The following RGS6 variants were observed in gnomAD, a reference collection of about 807,000 sequenced individuals.
The protein encoded by RGS6 is regulator of G-protein signaling 6.
A neutral mutation model predicts 78.5 loss-of-function variants in RGS6; 30 were observed. The observed-to-expected ratio is 0.38, with a 90% CI of 0.29 to 0.52. RGS6 has a LOEUF of 0.52. Ranked by LOEUF, RGS6 falls within the 20% of genes least tolerant of loss-of-function variation. The pLI, the probability that RGS6 is intolerant of heterozygous loss-of-function variation, is 0.85. For missense variants in RGS6, 495 were observed against 609.7 expected (o/e 0.81, Z 1.98); for synonymous variants, 206 against 206.0 (o/e 1.00, Z 0.00).
chr14:72,161,172 A>G (rs1598607073), intron 2 of RGS6, among the ~76,000 whole-genome samples: 1 of 152,308 alleles, frequency 6.6e-6, no homozygotes, highest in African/African-American at 2.4e-5. Flanking sequence ...GTTCTCACTC[A>G]TAAGTTGAAC....
intron 2 of RGS6, among the ~76,000 whole-genome samples, chr14:72,309,915 A>G (rs568764761): frequency 6.6e-6 from 1 of 152,298 alleles, no homozygotes; most frequent in African/African-American, 2.4e-5. Flanking sequence ...GTTTGTCCCA[A>G]TCTTTATTTT....
intron 2 of RGS6, among the ~76,000 whole-genome samples, chr14:72,321,529 A>G (rs1191165749): frequency 6.6e-6 from 1 of 152,082 alleles, no homozygotes; most frequent in African/African-American, 2.4e-5. Flanking sequence ...ATCAAATGCC[A>G]ACAAAAAGGA....
chr14:72,186,377 A>G (rs889105622), intron 2 of RGS6, among the ~76,000 whole-genome samples: 12 of 152,252 alleles, frequency 7.9e-5, no homozygotes, highest in African/African-American at 2.9e-4. Flanking sequence ...AGGAGCCTGC[A>G]AATTGCCCTT....
chr14:72,049,995 T>G (rs1355408176), intron 2 of RGS6, among the ~76,000 whole-genome samples: 1 of 152,158 alleles, frequency 6.6e-6, no homozygotes, highest in African/African-American at 2.4e-5. Flanking sequence ...ATGATTTTGA[T>G]GCAGTAAAGA....
chr14:72,237,087 G>T (rs566435039), intron 2 of RGS6, among the ~76,000 whole-genome samples: 16 of 152,126 alleles, frequency 1.1e-4, no homozygotes, highest in African/African-American at 3.9e-4. Context: ...TACTATTTGG[G>T]ATAAGTACAT....
intron 2 of RGS6, among the ~76,000 whole-genome samples, chr14:71,981,683 C>G (rs2094464605): frequency 1.3e-5 from 2 of 151,778 alleles, no homozygotes; most frequent in Admixed American, 1.3e-4. Context: ...CCACTGCTCT[C>G]TTCAAAGCTG....
At position 72,472,909 on chromosome 14, in the gene RGS6, T is replaced by C. The variant is rs138057825; in HGVS notation, c.574T>C (p.Leu192=). 11 of 1,613,446 alleles carry C rather than the reference T, an allele frequency of 6.8e-6. No individual in the cohort carries two copies. In the African/African-American group the frequency reaches 1.3e-4, roughly 20 times the overall value. The part of the protein sequence containing the change: ...RKKDKTERKI[L]DSQERAFWDV... Reference sequence around the variant, plus strand: ...AAAAGACAAGACAGAAAGGAAAATTTTGGATAGTCAAGAACGAGCCTTTTG... The same window carrying C: ...AAAAGACAAGACAGAAAGGAAAATTCTGGATAGTCAAGAACGAGCCTTTTG... Residue 192 remains leucine (L), a synonymous_variant, in exon 9 of 18, where the codon TTG becomes CTG. Transcript: ENST00000553525.
chr14:72,422,950 C>T (rs1235996272), intron 3 of RGS6, among the ~76,000 whole-genome samples: 3 of 152,252 alleles, frequency 2.0e-5, no homozygotes, highest in Middle Eastern at 3.4e-3. Context: ...CCAACTCTGC[C>T]GACACTTTGA....
intron 3 of RGS6, among the ~76,000 whole-genome samples, chr14:72,407,937 C>T (rs2093069849): frequency 6.6e-6 from 1 of 152,206 alleles, no homozygotes; most frequent in Non-Finnish European, 1.5e-5. Flanking sequence ...ACTGTATAGC[C>T]AACTATGAAA....
intron 2 of RGS6, among the ~76,000 whole-genome samples, chr14:71,967,189 GTATATATA>G (rs10571406): frequency 2.7e-5 from 4 of 145,798 alleles, no homozygotes; most frequent in African/African-American, 7.7e-5. Flanking sequence ...TGTGTAAAGA[GTATATATA>G]TATATATATA....
chr14:72,103,956 G>A (rs747786183), intron 2 of RGS6, among the ~76,000 whole-genome samples: 2 of 152,204 alleles, frequency 1.3e-5, no homozygotes, highest in Non-Finnish European at 2.9e-5. Context: ...AGTTAATGTA[G>A]GTGAAGCTCT....
intron 2 of RGS6, among the ~76,000 whole-genome samples, chr14:72,162,283 C>G (rs531639923): frequency 1.3e-4 from 20 of 152,220 alleles, no homozygotes; most frequent in African/African-American, 4.6e-4. Flanking sequence ...TAGAAAAATA[C>G]CTTTGCTGGG....
At chr14:72,237,509 C>T (rs117743779) in intron 2 of RGS6, among the ~76,000 whole-genome samples, 5 of 152,248 alleles carry the variant, frequency 3.3e-5, no homozygotes, top group South Asian at 4.1e-4. Context: ...AGATGAGCTT[C>T]GTAACTACCT....
At chr14:72,516,173 C>G (rs943680618) in intron 14 of RGS6, among the ~76,000 whole-genome samples, 13 of 152,222 alleles carry the variant, frequency 8.5e-5, no homozygotes, top group Middle Eastern at 3.2e-3. Context: ...GCATCTTTCA[C>G]CTACTGGTCA....
At chr14:72,155,681 A>T (rs918304592) in intron 2 of RGS6, among the ~76,000 whole-genome samples, 7 of 152,242 alleles carry the variant, frequency 4.6e-5, no homozygotes, top group Non-Finnish European at 7.3e-5. Flanking sequence ...AGCCATTTTT[A>T]AAAATATGAC....
At chr14:72,407,910 G>A (rs890761375) in intron 3 of RGS6, among the ~76,000 whole-genome samples, 1 of 152,182 alleles carries the variant, frequency 6.6e-6, no homozygotes. Context: ...ACTATGAGAA[G>A]GAGCCCTATA....
chr14:72,274,495 G>A (rs2060390802), intron 2 of RGS6, among the ~76,000 whole-genome samples: 1 of 152,214 alleles, frequency 6.6e-6, no homozygotes, highest in African/African-American at 2.4e-5. Context: ...CCTCCTTCAG[G>A]CCCAAGGCTG....
At chr14:71,882,896 C>T in the RGS6 span, among the ~76,000 whole-genome samples, 252 of 152,248 alleles carry the variant, frequency 1.7e-3, 3 homozygotes, top group African/African-American at 5.8e-3. Context: ...CCTAAATTGC[C>T]TTTCATTAGG....
At chr14:71,966,796 A>G (rs1261618029) in intron 2 of RGS6, among the ~76,000 whole-genome samples, 1 of 152,172 alleles carries the variant, frequency 6.6e-6, no homozygotes, top group Non-Finnish European at 1.5e-5. Context: ...ACACTTGGAG[A>G]GGAAATAAAT....
Sources: gnomAD v4.1 joint callset for allele counts (sites outside exome capture counted in the v4.1 genomes callset) on GRCh38, gnomAD v4.1.1 for gene constraint, MANE v1.5 for transcripts, NCBI Gene and HGNC (gene_info 2026-07-23, HGNC 2026-07-21) for gene names.